DOCK1: variants seen among roughly 807,000 people sequenced by gnomAD.
DOCK1 encodes dedicator of cytokinesis 1, also known as dedicator of cytokinesis protein 1.
DOCK1 carries 138 observed loss-of-function variants against 262.7 expected under a neutral mutation model. That is an observed-to-expected ratio of 0.53 (90% CI 0.46 to 0.61). The LOEUF is 0.61. DOCK1 is among the 20% of genes least tolerant of loss of function. The pLI is 0.00. For synonymous variants in DOCK1, 866 were observed against 867.4 expected, an observed-to-expected ratio of 1.00 and a Z score of 0.03; for missense variants, 1,908 against 2,370.7, an observed-to-expected ratio of 0.80 and a Z score of 4.05.
intron 5 of DOCK1, 29 bp from the exon 6 acceptor site, chr10:126,990,426 T>A (rs749700775): frequency 1.3e-6 from 2 of 1,575,380 alleles, no homozygotes; most frequent in Non-Finnish European, 1.7e-6. Flanking sequence ...TATAACAAAA[T>A]CTTTCTGATT....
chr10:127,192,833 A>G (rs557605919), intron 27 of DOCK1: 1 of 152,348 alleles, frequency 6.6e-6, no homozygotes, highest in South Asian at 2.1e-4. Context: ...GTTTACAGCA[A>G]TCCTGTCAGG....
At chr10:127,048,884 G>A (rs2135705829) in intron 21 of DOCK1, among the ~76,000 whole-genome samples, 1 of 152,256 alleles carries the variant, frequency 6.6e-6, no homozygotes, top group Non-Finnish European at 1.5e-5. Context: ...GCTCATCTAC[G>A]AAAAGTCATA....
chr10:126,920,150 T>A (rs987841083), intron 1 of DOCK1, among the ~76,000 whole-genome samples: 6 of 152,278 alleles, frequency 3.9e-5, no homozygotes, highest in African/African-American at 1.4e-4. Context: ...TATGTGGCGA[T>A]GTTGGTGGGT....
chr10:127,137,569 C>T, intron 27 of DOCK1: 1 of 345,044 alleles, frequency 2.9e-6, no homozygotes, highest in Non-Finnish European at 5.2e-6. Flanking sequence ...AAAATTTTTA[C>T]TTATCATCTT....
intron 1 of DOCK1, among the ~76,000 whole-genome samples, chr10:126,913,877 A>G (rs930796504): frequency 1.1e-4 from 16 of 152,198 alleles, no homozygotes; most frequent in Admixed American, 3.3e-4. Context: ...CTTATTAGGC[A>G]TGTCACCTTG....
chr10:127,287,364 T>G (rs2061194875), intron 29 of DOCK1, among the ~76,000 whole-genome samples: 1 of 150,992 alleles, frequency 6.6e-6, no homozygotes, highest in South Asian at 2.1e-4. Context: ...TAATTTTTAG[T>G]TTTTTTGTAT....
chr10:127,322,033 G>A (rs2062555068), intron 29 of DOCK1, among the ~76,000 whole-genome samples: 1 of 151,856 alleles, frequency 6.6e-6, no homozygotes, highest in Admixed American at 6.5e-5. Context: ...AACTCAGGAG[G>A]TGGAAGTTGC....
intron 47 of DOCK1, among the ~76,000 whole-genome samples, chr10:127,431,156 C>T (rs2069257915): frequency 6.6e-6 from 1 of 152,228 alleles, no homozygotes; most frequent in South Asian, 2.1e-4. Context: ...AGCCTAGTTC[C>T]AATGTCCCCA....
At chr10:127,118,473 A>G (rs1216721734) in intron 25 of DOCK1, among the ~76,000 whole-genome samples, 1 of 152,214 alleles carries the variant, frequency 6.6e-6, no homozygotes. Flanking sequence ...AAGATACAAA[A>G]TATCTGCTCC....
At chr10:127,115,683 A>C (rs886263978) in intron 25 of DOCK1, among the ~76,000 whole-genome samples, 1 of 152,266 alleles carries the variant, frequency 6.6e-6, no homozygotes, top group Non-Finnish European at 1.5e-5. Context: ...AATGTTATAG[A>C]AATTGGAATA....
chr10:127,375,102 C>A (rs151199328), intron 35 of DOCK1, among the ~76,000 whole-genome samples: 1 of 152,220 alleles, frequency 6.6e-6, no homozygotes, highest in Non-Finnish European at 1.5e-5. Flanking sequence ...CTGTGGACAC[C>A]CCCTTCCTGA....
intron 29 of DOCK1, among the ~76,000 whole-genome samples, chr10:127,275,220 A>T (rs560495010): frequency 6.6e-6 from 1 of 152,252 alleles, no homozygotes; most frequent in East Asian, 1.9e-4. Flanking sequence ...TAAGTCAGCA[A>T]AGGAGACCAA....
intron 5 of DOCK1, among the ~76,000 whole-genome samples, 169 bp from the exon 6 acceptor site, chr10:126,990,286 G>A (rs756469006): frequency 2.6e-4 from 39 of 152,244 alleles, no homozygotes; most frequent in Middle Eastern, 3.4e-3. Context: ...ACCAAATTCC[G>A]TATAATATGT....
intron 32 of DOCK1, among the ~76,000 whole-genome samples, chr10:127,361,549 G>A (rs1049244510): frequency 2.0e-5 from 3 of 152,224 alleles, no homozygotes; most frequent in Non-Finnish European, 2.9e-5. Flanking sequence ...GCATGTTGCA[G>A]AAATCACCCT....
At chr10:127,213,196 G>A (rs1483041818) in intron 27 of DOCK1, among the ~76,000 whole-genome samples, 3 of 152,208 alleles carry the variant, frequency 2.0e-5, no homozygotes, top group East Asian at 3.9e-4. Context: ...AGGGAAGAGA[G>A]AGAAAAATGT....
intron 23 of DOCK1, among the ~76,000 whole-genome samples, chr10:127,094,712 T>G (rs1195443913): frequency 6.6e-6 from 1 of 152,240 alleles, no homozygotes; most frequent in African/African-American, 2.4e-5. Context: ...TTTGTCAGAT[T>G]ATTCAGACCA....
At chr10:126,960,943 A>G (rs1462616982) in intron 1 of DOCK1, among the ~76,000 whole-genome samples, 3 of 151,664 alleles carry the variant, frequency 2.0e-5, no homozygotes, top group Non-Finnish European at 2.9e-5. Flanking sequence ...TATTCCGAAG[A>G]AAGATATTAA....
intron 27 of DOCK1, among the ~76,000 whole-genome samples, chr10:127,144,962 G>A (rs779609478): frequency 1.1e-4 from 16 of 150,948 alleles, no homozygotes; most frequent in Non-Finnish European, 1.8e-4. Flanking sequence ...TTTTAAAAAA[G>A]CATTAGCCAG....
At chr10:127,339,831 T>G (rs1290209074) in intron 30 of DOCK1, among the ~76,000 whole-genome samples, 1 of 152,170 alleles carries the variant, frequency 6.6e-6, no homozygotes, top group Admixed American at 6.5e-5. Context: ...GTGTTTCTGC[T>G]AATAATGATT....
Sources: gnomAD v4.1 joint callset for allele counts (sites outside exome capture counted in the v4.1 genomes callset) on GRCh38, gnomAD v4.1.1 for gene constraint, MANE v1.5 for transcripts, NCBI Gene and HGNC (gene_info 2026-07-23, HGNC 2026-07-21) for gene names.